Variants in FAM169A observed in about 807,000 individuals in gnomAD.
The protein encoded by FAM169A is soluble lamin-associated protein of 75 kDa.
Under a neutral mutation model 75.7 loss-of-function variants are expected in FAM169A, and 24 were observed. The ratio of observed to expected loss-of-function variants is 0.32; its 90% confidence interval spans 0.23 to 0.45. The LOEUF (loss-of-function observed/expected upper bound fraction) is 0.45. Among genes scored for constraint, FAM169A ranks in the 20% least tolerant of loss-of-function variants. The pLI is 1.00. For missense variants in FAM169A, 673 were observed against 784.0 expected (o/e 0.86, Z 1.69); for synonymous variants, 271 against 271.0 (o/e 1.00, Z 0.00).
intron 1 of FAM169A, chr5:74,848,501 A>C (rs751637436): frequency 6.6e-6 from 1 of 152,200 alleles, no homozygotes; most frequent in Non-Finnish European, 1.5e-5. Context: ...TGTAAAATAT[A>C]ACGATTATAT....
chr5:74,797,863 A>G (rs926007830), intron 10 of FAM169A, among the ~76,000 whole-genome samples: 2 of 152,174 alleles, frequency 1.3e-5, no homozygotes, highest in African/African-American at 4.8e-5. Flanking sequence ...CAATGCAAAC[A>G]TTAACTAAAA....
intron 1 of FAM169A, among the ~76,000 whole-genome samples, chr5:74,845,169 TG>T (rs2112689622): frequency 6.6e-6 from 1 of 152,310 alleles, no homozygotes; most frequent in South Asian, 2.1e-4. Flanking sequence ...GATATGATGA[TG>T]ATAAGAGGAA....
intron 5 of FAM169A, among the ~76,000 whole-genome samples, chr5:74,824,897 G>A (rs1216870110): frequency 6.6e-6 from 1 of 151,966 alleles, no homozygotes; most frequent in East Asian, 1.9e-4. Flanking sequence ...CTTGGAAGGT[G>A]AGAATTTAGC....
chr5:74,850,789 G>A (rs1280242436), intron 1 of FAM169A, among the ~76,000 whole-genome samples: 1 of 152,152 alleles, frequency 6.6e-6, no homozygotes, highest in East Asian at 1.9e-4. Flanking sequence ...GATGAATAAT[G>A]CAGTGTTTTT....
At chr5:74,784,737 T>C (rs1353312116) in intron 11 of FAM169A, among the ~76,000 whole-genome samples, 1 of 147,670 alleles carries the variant, frequency 6.8e-6, no homozygotes, top group Non-Finnish European at 1.5e-5. Context: ...GCTAACATGG[T>C]GAAACTCCGT....
intron 3 of FAM169A, 125 bp from the exon 4 acceptor site, chr5:74,839,175 C>T (rs1748722888): frequency 1.5e-6 from 1 of 673,194 alleles, no homozygotes; most frequent in Non-Finnish European, 2.5e-6. Context: ...TAAACCTTAC[C>T]AAATAGTAAT....
At chr5:74,818,289 G>A (rs1747572864) in intron 5 of FAM169A, among the ~76,000 whole-genome samples, 1 of 151,924 alleles carries the variant, frequency 6.6e-6, no homozygotes, top group Admixed American at 6.6e-5. Flanking sequence ...ACATATGAAG[G>A]GCTCTTACAA....
At chr5:74,832,058 T>G (rs1308430312) in intron 5 of FAM169A, among the ~76,000 whole-genome samples, 3 of 152,152 alleles carry the variant, frequency 2.0e-5, no homozygotes, top group Admixed American at 1.3e-4. Context: ...TTTCTGAAGC[T>G]TTCCTTCAAC....
At chr5:74,813,451 C>G (rs1023445679) in intron 6 of FAM169A, among the ~76,000 whole-genome samples, 1 of 151,932 alleles carries the variant, frequency 6.6e-6, no homozygotes, top group African/African-American at 2.4e-5. Flanking sequence ...CTCAGCCTCC[C>G]GAGTAGCTGG....
chr5:74,784,424 T>C (rs1393594230), intron 11 of FAM169A, among the ~76,000 whole-genome samples: 1 of 138,448 alleles, frequency 7.2e-6, no homozygotes, highest in African/African-American at 2.8e-5. Context: ...GCAGAATAGC[T>C]TGAACCCAGG....
chr5:74,855,996 G>C (rs56068548), intron 1 of FAM169A, among the ~76,000 whole-genome samples: 1 of 152,000 alleles, frequency 6.6e-6, no homozygotes, highest in African/African-American at 2.4e-5. Context: ...ATTCTTCTGC[G>C]TATGGATATC....
chr5:74,832,446 C>T (rs1748363299), intron 5 of FAM169A, among the ~76,000 whole-genome samples: 1 of 151,630 alleles, frequency 6.6e-6, no homozygotes, highest in Non-Finnish European at 1.5e-5. Context: ...GTCCTAATAG[C>T]CCCATAAACT....
chr5:74,857,573 A>G (rs139469105), intron 1 of FAM169A, among the ~76,000 whole-genome samples: 1,933 of 30,260 alleles, frequency 0.064, 12 homozygotes, highest in Non-Finnish European at 0.1. Context: ...TTGCCGCGGG[A>G]AAAAAAAAAA....
At chr5:74,810,751 C>CAA (rs750402413) in intron 6 of FAM169A, among the ~76,000 whole-genome samples, 56 of 52,544 alleles carry the variant, frequency 1.1e-3, no homozygotes, top group East Asian at 3.7e-3. Flanking sequence ...GACTCCGTCT[C>CAA]AAAAAAAAAA....
intron 5 of FAM169A, among the ~76,000 whole-genome samples, chr5:74,832,462 G>A (rs1198828984): frequency 5.3e-5 from 8 of 151,406 alleles, no homozygotes; most frequent in Non-Finnish European, 1.0e-4. Context: ...AAACTTATTT[G>A]CTATTTTAAA....
At chr5:74,866,690 A>G (rs1454848585), upstream of FAM169A, 1 of 946,804 alleles carries the variant, frequency 1.1e-6, no homozygotes, top group Non-Finnish European at 1.3e-6. Flanking sequence ...AGATATAAAA[A>G]TAGATGCGGT....
chr5:74,818,277 A>G (rs1265552485), intron 5 of FAM169A, among the ~76,000 whole-genome samples: 2 of 152,194 alleles, frequency 1.3e-5, no homozygotes, highest in Non-Finnish European at 2.9e-5. Context: ...CTTGTATCTA[A>G]CACATATGAA....
At chr5:74,783,649 G>A (rs1482834179) in intron 11 of FAM169A, among the ~76,000 whole-genome samples, 3 of 152,278 alleles carry the variant, frequency 2.0e-5, no homozygotes, top group Admixed American at 2.0e-4. Flanking sequence ...CTTGCTGGGA[G>A]GAGAGAGCCC....
In FAM169A at chr5:74,818,285, G is replaced by A. The variant is rs374001304; in HGVS notation, c.491-4266C>T. ...CAAGGGTCTTGTATCTAACACATAT[G>A]AAGGGCTCTTACAACTCAAAAAGAA... On this transcript the variant is annotated intron_variant, in intron 5 of 12. Coordinates refer to ENST00000687041, the MANE Select transcript of FAM169A (RefSeq NM_001376049.1). Among the ~76,000 whole-genome samples, 11 of 152,184 alleles carry A rather than the reference G, an allele frequency of 7.2e-5. No homozygotes were observed. The South Asian group carries it at 1.9e-3, about 26-fold the overall frequency.
Sources: allele counts gnomAD v4.1 joint callset (sites outside exome capture counted in the v4.1 genomes callset), GRCh38; gene constraint gnomAD v4.1.1; transcripts MANE v1.5; gene names NCBI Gene and HGNC (gene_info 2026-07-23, HGNC 2026-07-21).